The following PIWIL2 variants were observed in gnomAD, a reference collection of about 807,000 sequenced individuals.
PIWIL2 encodes piwi like RNA-mediated gene silencing 2.
A neutral mutation model predicts 116.5 loss-of-function variants in PIWIL2; 81 were observed. That is an observed-to-expected ratio of 0.70 (90% CI 0.58 to 0.84). The LOEUF is 0.84. PIWIL2 is among the 40% of genes least tolerant of loss of function. PIWIL2 has a pLI of 0.00. For missense variants in PIWIL2, 1,272 were observed against 1,212.3 expected, an observed-to-expected ratio of 1.05 and a Z score of -0.73; for synonymous variants, 489 against 429.5, an observed-to-expected ratio of 1.14 and a Z score of -1.71.
chr8:22,345,435 C>T (rs1281281521), intron 20 of PIWIL2, among the ~76,000 whole-genome samples: 5 of 151,384 alleles, frequency 3.3e-5, no homozygotes, highest in African/African-American at 1.2e-4. Flanking sequence ...CTGAGGCGGG[C>T]GGATCACTTG....
chr8:22,308,122 G>T, intron 14 of PIWIL2, 49 bp downstream of exon 14: 1 of 1,461,818 alleles, frequency 6.8e-7, no homozygotes, highest in South Asian at 1.3e-5. Flanking sequence ...AGACACGTGT[G>T]CAATATTTAT....
chr8:22,321,311 CT>C (rs1238050790), intron 20 of PIWIL2, among the ~76,000 whole-genome samples: 2 of 151,910 alleles, frequency 1.3e-5, no homozygotes, highest in Non-Finnish European at 2.9e-5. Flanking sequence ...TGAGGTGTTG[CT>C]ATTTTGCCCA....
chr8:22,319,468 C>G (rs959297940), intron 20 of PIWIL2, among the ~76,000 whole-genome samples: 2 of 152,172 alleles, frequency 1.3e-5, no homozygotes, highest in African/African-American at 4.8e-5. Context: ...CCTCACTGCT[C>G]CATTCTTAAG....
At chr8:22,353,935 C>G (rs1415096882) in intron 21 of PIWIL2, among the ~76,000 whole-genome samples, 2 of 151,970 alleles carry the variant, frequency 1.3e-5, no homozygotes, top group East Asian at 1.9e-4. Flanking sequence ...GCCACCATGC[C>G]CAACTAATTT....
intron 19 of PIWIL2, 52 bp downstream of exon 19, chr8:22,316,385 A>G (rs934322899): frequency 2.9e-6 from 3 of 1,017,132 alleles, no homozygotes; most frequent in Non-Finnish European, 4.7e-6. Flanking sequence ...TTTAGTGCCT[A>G]ATCTTATTAT....
chr8:22,287,493 C>A, intron 6 of PIWIL2, 35 bp from the exon 7 acceptor site: 1 of 1,366,302 alleles, frequency 7.3e-7, no homozygotes, highest in South Asian at 1.2e-5. Context: ...CAGTTTGAGT[C>A]AAGTTAAAGG....
At chr8:22,284,405 C>T in intron 6 of PIWIL2, 133 bp downstream of exon 6, 1 of 494,054 alleles carries the variant, frequency 2.0e-6, no homozygotes. Context: ...TTACTCAGAT[C>T]CTTACAGGAA....
chr8:22,348,718 G>T (rs909578563), intron 20 of PIWIL2, among the ~76,000 whole-genome samples: 4 of 152,296 alleles, frequency 2.6e-5, no homozygotes, highest in African/African-American at 9.6e-5. Context: ...GAGCCCAGAA[G>T]GTTGAGTGAC....
intron 2 of PIWIL2, among the ~76,000 whole-genome samples, chr8:22,280,900 A>G (rs1830483795): frequency 1.3e-5 from 2 of 152,232 alleles, no homozygotes; most frequent in African/African-American, 4.8e-5. Context: ...GCATTTTGTT[A>G]TACTGTACAC....
At chr8:22,351,331 C>A (rs546938184) in intron 20 of PIWIL2, among the ~76,000 whole-genome samples, 7 of 144,956 alleles carry the variant, frequency 4.8e-5, no homozygotes, top group East Asian at 2.1e-4. Flanking sequence ...AAAAAAAAAA[C>A]AAATTGAAAC....
chr8:22,308,419 G>A (rs1391833923), intron 14 of PIWIL2, among the ~76,000 whole-genome samples: 1 of 152,104 alleles, frequency 6.6e-6, no homozygotes, highest in Non-Finnish European at 1.5e-5. Context: ...TTGGGAGGCT[G>A]AGGCAGGTGG....
intron 15 of PIWIL2, among the ~76,000 whole-genome samples, chr8:22,310,618 G>GT (rs200783145): frequency 0.011 from 1,712 of 149,782 alleles, 47 homozygotes; most frequent in African/African-American, 0.039. Context: ...AACTTGATGA[G>GT]TTTTTTTTTA....
chr8:22,309,111 G>A (rs187142467), intron 14 of PIWIL2, among the ~76,000 whole-genome samples: 1 of 151,776 alleles, frequency 6.6e-6, no homozygotes, highest in African/African-American at 2.4e-5. Context: ...ACAAGCACGT[G>A]CCACCACGTC....
At position 22,281,299 on chromosome 8, in the gene PIWIL2, C is replaced by CT. The variant is rs200384895; in HGVS notation, c.287-71dup. On this transcript the variant is annotated intron_variant, in intron 3 of 22. Transcript: ENST00000356766. ...GTTTATTTTCAGAAACGTAACTGTG[C>CT]TTTTTTTAAAAAAAAAAACTATACT... 321 of 1,546,212 alleles carry CT rather than the reference C, an allele frequency of 2.1e-4. 1 individual carries two copies. The African/African-American group carries it at 3.3e-3, about 16-fold the overall frequency.
At chr8:22,286,777 A>C (rs985135677) in intron 6 of PIWIL2, among the ~76,000 whole-genome samples, 2 of 151,876 alleles carry the variant, frequency 1.3e-5, no homozygotes, top group African/African-American at 4.8e-5. Flanking sequence ...ACATGCCACC[A>C]CACCCCACTA....
intron 20 of PIWIL2, among the ~76,000 whole-genome samples, chr8:22,331,873 G>C (rs992666130): frequency 3.9e-5 from 6 of 152,014 alleles, no homozygotes; most frequent in African/African-American, 1.5e-4. Context: ...CCTCTTTTAA[G>C]ATCTTATGTG....
Position 22,295,741 on chromosome 8 carries a change from C to T in PIWIL2, c.1181+5395C>T, listed in dbSNP as rs144477771. Among the ~76,000 whole-genome samples the T allele has an allele frequency of 3.3e-4, 50 of 152,264 alleles. 1 individual carries two copies. The highest frequency in any genetic ancestry group is 1.2e-3 in the African/African-American group (49 of 41,556). ...AAACCACAGAAGAGCATTTATTTTC[C>T]TGGAGGTGAGAAGAGCTCGGTGTTT... On this transcript the variant is annotated intron_variant, in intron 10 of 22. Coordinates refer to ENST00000356766, the MANE Select transcript of PIWIL2 (RefSeq NM_018068.5).
At chr8:22,314,249 A>G in intron 16 of PIWIL2, 79 bp from the exon 17 acceptor site, 1 of 643,582 alleles carries the variant, frequency 1.6e-6, no homozygotes, top group African/African-American at 1.8e-5. Context: ...TTGCATACTC[A>G]GAATACTGCC....
At chr8:22,312,609 C>T (rs901604336) in intron 16 of PIWIL2, among the ~76,000 whole-genome samples, 1 of 152,166 alleles carries the variant, frequency 6.6e-6, no homozygotes, top group African/African-American at 2.4e-5. Flanking sequence ...TCATTCACAA[C>T]AGCACACTTG....
Sources: allele counts gnomAD v4.1 joint callset (sites outside exome capture counted in the v4.1 genomes callset), GRCh38; gene constraint gnomAD v4.1.1; transcripts MANE v1.5; gene names NCBI Gene and HGNC (gene_info 2026-07-23, HGNC 2026-07-21).